The following DMXL1 variants were observed in gnomAD, a reference collection of about 807,000 sequenced individuals.
The protein encoded by DMXL1 is dmX-like protein 1.
In DMXL1, 99 loss-of-function variants were observed where a neutral mutation model predicts 319.2. The ratio of observed to expected loss-of-function variants is 0.31; its 90% confidence interval spans 0.26 to 0.37. DMXL1 has a LOEUF of 0.37. Ranked by LOEUF, DMXL1 falls within the 10% of genes least tolerant of loss-of-function variation. The probability of loss-of-function intolerance (pLI) is 1.00; values close to 1 mark genes in which losing one functional copy is unlikely to be tolerated. For synonymous variants in DMXL1, 1,385 were observed against 1,235.2 expected (o/e 1.12, Z -2.54); for missense variants, 3,745 against 3,595.6 (o/e 1.04, Z -1.06).
rs376328485 is a variant in DMXL1 at position 119,170,798 on chromosome 5, A to G, written c.6007A>G (p.Asn2003Asp). 6.2e-7 allele frequency: 1 copy of G among 1,611,884 alleles called. No individual in the cohort carries two copies. The change falls in exon 24 of 44, where the codon AAC becomes GAC. Residue 2003 changes from asparagine (N) to aspartate (D), a missense_variant. By Grantham distance (23) the Asn-to-Asp change is conservative (BLOSUM62 1). Coordinates refer to ENST00000539542, the MANE Select transcript of DMXL1 (RefSeq NM_001290321.3). Reference protein sequence around the residue: ...TDKKLDDISSNYTESFSTLDE... With the variant: ...TDKKLDDISSDYTESFSTLDE... ...TAAAAAGTTGGATGACATAAGTTCT[A>G]ACTACACAGAATCTTTCAGCACACT...
At chr5:119,206,019 A>G (rs1781679487) in intron 33 of DMXL1, among the ~76,000 whole-genome samples, 1 of 152,104 alleles carries the variant, frequency 6.6e-6, no homozygotes, top group Admixed American at 6.5e-5. Flanking sequence ...ATGAAATTTT[A>G]CAGTTTCTTC....
chr5:119,165,051 A>G (rs1286766093), intron 20 of DMXL1, 132 bp from the exon 21 acceptor site: 2 of 612,506 alleles, frequency 3.3e-6, no homozygotes, highest in African/African-American at 3.8e-5. Context: ...ATATACATGC[A>G]CATATTATTC....
At chr5:119,146,814 A>G in intron 15 of DMXL1, 23 bp from the exon 16 acceptor site, 1 of 1,601,698 alleles carries the variant, frequency 6.2e-7, no homozygotes, top group Non-Finnish European at 8.5e-7. Context: ...AGTAACAGTG[A>G]AAAATATCAT....
chr5:119,235,096 G>C (rs1000710491), intron 39 of DMXL1, among the ~76,000 whole-genome samples: 4 of 152,068 alleles, frequency 2.6e-5, no homozygotes. Context: ...TAGTAGGGAA[G>C]CCTCTTAAGG....
At chr5:119,196,235 C>A in intron 30 of DMXL1, 136 bp from the exon 31 acceptor site, 2 of 670,532 alleles carry the variant, frequency 3.0e-6, no homozygotes, top group Non-Finnish European at 5.3e-6. Flanking sequence ...TACCTCTATG[C>A]ATATATTATT....
Position 119,150,071 on chromosome 5 carries a change from A to G in DMXL1, c.4244A>G (p.Asp1415Gly), listed in dbSNP as rs770130137. The G allele has an allele frequency of 2.5e-6, 4 of 1,613,966 alleles. No individual in the cohort carries two copies. The highest frequency in any genetic ancestry group is 3.4e-6 in the Non-Finnish European group (4 of 1,179,910). The part of the protein sequence containing the change: ...PLPLYALLAA[D>G]DDSCYSSLEK... ...CCTTTATATGCCTTACTTGCAGCAG[A>G]TGATGATAGCTGTTACTCATCTTTG... The change falls in exon 18 of 44, where the codon GAT becomes GGT. Residue 1415 changes from aspartate to glycine, a missense_variant. Around this residue, in one of 4 missense-constraint regions of DMXL1, gnomAD observed 2,096 missense variants for 1,985.4 expected, o/e 1.06. Transcript: ENST00000539542.
chr5:119,125,460 A>C (rs1763313611), intron 9 of DMXL1, among the ~76,000 whole-genome samples: 1 of 152,208 alleles, frequency 6.6e-6, no homozygotes. Flanking sequence ...CTATATGGAA[A>C]ATATCTAAAT....
chr5:119,149,702 A>G lies in DMXL1; in HGVS notation c.3875A>G (p.Lys1292Arg), dbSNP rs1769343355. 6.2e-7 allele frequency: 1 copy of G among 1,613,900 alleles called. No individual in the cohort carries two copies. The highest frequency in any genetic ancestry group is 8.5e-7 in the Non-Finnish European group (1 of 1,179,946). The change falls in exon 18 of 44, where the codon AAA becomes AGA. Residue 1292 changes from lysine (K) to arginine (R), a missense_variant. Lys to Arg is a conservative substitution (Grantham distance 26, BLOSUM62 2). This residue lies in a region of DMXL1 where 2,096 missense variants were observed against 1,985.4 expected (regional missense o/e 1.06). Coordinates refer to ENST00000539542, the MANE Select transcript of DMXL1 (RefSeq NM_001290321.3). Reference sequence around the variant, plus strand: ...CGATCCATGACCAGTCTTGCACAGAAAATCTGTGGAAAGAAAACTGCATTC... The same window carrying G: ...CGATCCATGACCAGTCTTGCACAGAGAATCTGTGGAAAGAAAACTGCATTC... ...LTRSMTSLAQ[K>R]ICGKKTAFDP... is the part of the protein sequence containing the mutation.
At position 119,167,635 on chromosome 5, in the gene DMXL1, G is replaced by A. The variant is rs1290478056; in HGVS notation, c.5169G>A (p.Leu1723=). The A allele has an allele frequency of 1.2e-6, 2 of 1,607,038 alleles. No homozygotes were observed. Among genetic ancestry groups the A allele is most frequent in the African/African-American group, 2.7e-5 (2 of 74,602 alleles). ...TTGAGAAATTGAATGACATTCAGTT[G>A]GCTCTTGTAATAGCAAGACTCTATG... ...VCLEKLNDIQ[L]ALVIARLYES... The change falls in exon 23 of 44, where the codon TTG becomes TTA. Residue 1723 remains leucine (L), a synonymous_variant. Coordinates refer to ENST00000539542, the MANE Select transcript of DMXL1 (RefSeq NM_001290321.3).
chr5:119,230,277 A>C (rs1184823638), intron 38 of DMXL1, among the ~76,000 whole-genome samples: 1 of 152,212 alleles, frequency 6.6e-6, no homozygotes, highest in Non-Finnish European at 1.5e-5. Flanking sequence ...TAATTAAACC[A>C]ACAAACTTAA....
chr5:119,075,725 T>C (rs549545040), intron 1 of DMXL1, among the ~76,000 whole-genome samples: 1 of 147,058 alleles, frequency 6.8e-6, no homozygotes, highest in Non-Finnish European at 1.5e-5. Context: ...TGGTCTTTTT[T>C]AAAAAAAAAA....
intron 5 of DMXL1, among the ~76,000 whole-genome samples, chr5:119,113,545 A>T (rs1407067039): frequency 6.6e-6 from 1 of 152,162 alleles, no homozygotes; most frequent in Non-Finnish European, 1.5e-5. Flanking sequence ...CCAGCCCATG[A>T]CATATTTTTT....
chr5:119,223,053 T>TTG (rs1474029041), intron 37 of DMXL1, among the ~76,000 whole-genome samples: 27 of 137,634 alleles, frequency 2.0e-4, no homozygotes, highest in African/African-American at 7.2e-4. Flanking sequence ...CATTACTTAG[T>TTG]TGTGTTTTTT....
chr5:119,173,668 A>ATGTGTGTGTG (rs1461681311), intron 25 of DMXL1, among the ~76,000 whole-genome samples: 103 of 100,520 alleles, frequency 1.0e-3, no homozygotes, highest in African/African-American at 2.8e-3. Context: ...AATCAGTAGG[A>ATGTGTGTGTG]TGTATGTGTG....
At chr5:119,081,727 T>G in intron 1 of DMXL1, 1 of 985,248 alleles carries the variant, frequency 1.0e-6, no homozygotes. Context: ...TCGTTTTAAC[T>G]AATGGGGACA....
At chr5:119,095,744 A>G (rs1023083278) in intron 1 of DMXL1, among the ~76,000 whole-genome samples, 1 of 152,220 alleles carries the variant, frequency 6.6e-6, no homozygotes, top group Non-Finnish European at 1.5e-5. Flanking sequence ...CTTCTCTTAA[A>G]ATTAGCCTTT....
At chr5:119,137,675 C>T (rs192875016) in intron 13 of DMXL1, among the ~76,000 whole-genome samples, 3 of 152,130 alleles carry the variant, frequency 2.0e-5, no homozygotes, top group Non-Finnish European at 2.9e-5. Flanking sequence ...TGTCAGTTTC[C>T]CCTGCATGCT....
chr5:119,111,915 A>G (rs561642673), intron 5 of DMXL1, among the ~76,000 whole-genome samples: 1 of 152,370 alleles, frequency 6.6e-6, no homozygotes, highest in African/African-American at 2.4e-5. Context: ...GTTTAGAGAA[A>G]TAGGTGCTCT....
At chr5:119,115,865 T>C (rs558479178) in intron 6 of DMXL1, among the ~76,000 whole-genome samples, 1 of 152,318 alleles carries the variant, frequency 6.6e-6, no homozygotes, top group Non-Finnish European at 1.5e-5. Context: ...AAGACGTCCT[T>C]AATTTTATCT....
Sources: allele counts gnomAD v4.1 joint callset (sites outside exome capture counted in the v4.1 genomes callset), GRCh38; gene constraint gnomAD v4.1.1; regional missense constraint gnomAD v4.1.1; transcripts MANE v1.5; gene names NCBI Gene and HGNC (gene_info 2026-07-23, HGNC 2026-07-21).